Variants in TOGARAM2 observed in about 807,000 individuals in gnomAD.
TOGARAM2 encodes TOG array regulator of axonemal microtubules 2.
TOGARAM2 carries 85 observed loss-of-function variants against 93.3 expected under a neutral mutation model. The observed-to-expected ratio is 0.91, with a 90% CI of 0.76 to 1.09. TOGARAM2 has a LOEUF of 1.09. Among genes scored for constraint, TOGARAM2 ranks in the 50% least tolerant of loss-of-function variants. The pLI, the probability that TOGARAM2 is intolerant of heterozygous loss-of-function variation, is 0.00. For synonymous variants in TOGARAM2, 593 were observed against 552.8 expected (o/e 1.07, Z -1.02); for missense variants, 1,277 against 1,334.5 (o/e 0.96, Z 0.67).
intron 13 of TOGARAM2, 25 bp from the exon 14 acceptor site, chr2:29,026,828 C>T (rs759016660): frequency 5.1e-6 from 8 of 1,563,856 alleles, no homozygotes; most frequent in Admixed American, 1.8e-5. Flanking sequence ...CTGAGACTGA[C>T]CCCTGGGCCA....
intron 10 of TOGARAM2, among the ~76,000 whole-genome samples, chr2:29,020,570 A>G (rs1664875813): frequency 6.6e-6 from 1 of 152,184 alleles, no homozygotes; most frequent in Non-Finnish European, 1.5e-5. Context: ...AGCCCTCAAG[A>G]CACTGGAGGC....
chr2:29,019,061 A>T (rs1321777880), intron 10 of TOGARAM2, among the ~76,000 whole-genome samples: 1 of 152,122 alleles, frequency 6.6e-6, no homozygotes, highest in Non-Finnish European at 1.5e-5. Flanking sequence ...TTGTGATTTG[A>T]AGTGCAATGT....
At chr2:28,991,583 A>C (rs1336189913) in intron 1 of TOGARAM2, among the ~76,000 whole-genome samples, 2 of 152,194 alleles carry the variant, frequency 1.3e-5, no homozygotes, top group African/African-American at 4.8e-5. Context: ...GTGTCATGAC[A>C]GAAAGAGAAG....
intron 1 of TOGARAM2, among the ~76,000 whole-genome samples, chr2:28,966,795 G>C (rs1031942417): frequency 3.9e-5 from 6 of 152,084 alleles, no homozygotes; most frequent in African/African-American, 1.4e-4. Flanking sequence ...CATATCATCT[G>C]CACCACATGA....
Position 28,992,341 on chromosome 2 carries a change from C to G in TOGARAM2, c.-110-2384C>G, listed in dbSNP as rs540456012. ...GCACCTAGGAGATCCTGCACTAGAC[C>G]CTGGGGCCTGAAGGGTCGAAGGTGT... On this transcript the variant is annotated intron_variant, in intron 1 of 19. Coordinates refer to ENST00000379558, the MANE Select transcript of TOGARAM2 (RefSeq NM_199280.4). 1.1e-4 allele frequency among the ~76,000 whole-genome samples: 17 copies of G among 152,194 alleles called. No individual in the cohort carries two copies. In the East Asian group the frequency reaches 2.1e-3, roughly 19 times the overall value.
In TOGARAM2 at chr2:28,974,989, G is replaced by A. The variant is rs1430342066; in HGVS notation, c.-147+18292G>A. Among the ~76,000 whole-genome samples, 3 of 150,588 alleles carry A rather than the reference G, an allele frequency of 2.0e-5. No homozygotes were observed. The South Asian group carries it at 6.3e-4, about 32-fold the overall frequency. On this transcript the variant is annotated intron_variant, in intron 1 of 6. Coordinates refer to the TOGARAM2 transcript ENST00000401723. The stretch of plus-strand genomic sequence containing the variant: ...TTGGTTGCTATCGAGTAATTTCTAT[G>A]GTTTTATGTTCAAGTTCACTGATTT...
Position 29,051,898 on chromosome 2 carries a change from G to C in TOGARAM2, c.2865G>C (p.Arg955=). The change falls in exon 20 of 20, where the codon CGG becomes CGC. Residue 955 remains arginine (R), a synonymous_variant. Transcript: ENST00000379558. ...PSGNIRGVVC[R]LSRSLQEHMG... The stretch of plus-strand genomic sequence containing the variant: ...GGAACATCCGCGGGGTGGTGTGCCG[G>C]CTGTCCAGGAGCCTCCAGGAGCACA... The C allele has an allele frequency of 1.3e-6, 2 of 1,583,148 alleles. No homozygotes were observed. The highest frequency in any genetic ancestry group is 1.7e-6 in the Non-Finnish European group (2 of 1,165,092).
At chr2:28,995,803 T>C (rs1672962091) in intron 2 of TOGARAM2, among the ~76,000 whole-genome samples, 1 of 151,956 alleles carries the variant, frequency 6.6e-6, no homozygotes, top group African/African-American at 2.4e-5. Context: ...AGACTAGGAG[T>C]CTTGCAGCCT....
At chr2:29,036,518 C>T (rs765732090) in intron 17 of TOGARAM2, 23 bp from the exon 18 acceptor site, 5 of 1,613,384 alleles carry the variant, frequency 3.1e-6, no homozygotes, top group Non-Finnish European at 4.2e-6. Flanking sequence ...CCCATGGGCT[C>T]TTGGTTTCTG....
At position 28,999,389 on chromosome 2, in the gene TOGARAM2, C is replaced by T. The variant is rs202190457; in HGVS notation, c.348C>T (p.Ser116=). The part of the protein sequence containing the change: ...LLPSPESEAN[S]VARDTIQIKD... ...CTTCTCCGGAGTCAGAGGCCAACAG[C>T]GTGGCCAGGGACACCATCCAGATTA... is the stretch of plus-strand genomic sequence containing the variant. The change falls in exon 4 of 20, where the codon AGC becomes AGT. Residue 116 remains serine, a synonymous_variant. Coordinates refer to ENST00000379558, the MANE Select transcript of TOGARAM2 (RefSeq NM_199280.4). 69 of 1,613,280 alleles carry T rather than the reference C, an allele frequency of 4.3e-5. No individual in the cohort carries two copies. Among genetic ancestry groups the T allele is most frequent in the Middle Eastern group, 1.6e-4 (1 of 6,062 alleles).
chr2:28,967,913 G>C (rs1461730076), intron 1 of TOGARAM2, among the ~76,000 whole-genome samples: 1 of 149,306 alleles, frequency 6.7e-6, no homozygotes, highest in Non-Finnish European at 1.5e-5. Flanking sequence ...CCCCCTCCTG[G>C]GTTCAAGCGA....
intron 7 of TOGARAM2, 51 bp downstream of exon 7, chr2:29,011,552 C>G (rs1664249652): frequency 6.5e-7 from 1 of 1,539,792 alleles, no homozygotes; most frequent in Admixed American, 2.0e-5. Flanking sequence ...CTCTACATTC[C>G]TGGGCTGGGT....
Position 29,026,835 on chromosome 2 carries a change from G to T in TOGARAM2, c.1854-18G>T. 1.3e-6 allele frequency: 2 copies of T among 1,570,032 alleles called. No individual in the cohort carries two copies. Among genetic ancestry groups the T allele is most frequent in the Admixed American group, 1.8e-5 (1 of 56,420 alleles). ...CCACTATCCTGAGACTGACCCCTGG[G>T]CCATGATTTCCTTTCAGCCACCGGA... On this transcript the variant is annotated intron_variant, in intron 13 of 19. Transcript: ENST00000379558.
At chr2:28,987,560 A>T (rs535686785) in intron 1 of TOGARAM2, among the ~76,000 whole-genome samples, 151 of 152,252 alleles carry the variant, frequency 9.9e-4, no homozygotes, top group African/African-American at 3.5e-3. Context: ...AAGTGCTGGG[A>T]TTACAGGTGT....
intron 6 of TOGARAM2, among the ~76,000 whole-genome samples, chr2:29,006,183 GTGTGTGCA>G: frequency 1.5e-5 from 1 of 68,806 alleles, no homozygotes; most frequent in Non-Finnish European, 4.9e-5. Flanking sequence ...GTGACCACAT[GTGTGTGCA>G]TGTGTGTGAG....
chr2:29,019,289 T>C (rs1289543408), intron 10 of TOGARAM2, among the ~76,000 whole-genome samples: 1 of 151,800 alleles, frequency 6.6e-6, no homozygotes, highest in Non-Finnish European at 1.5e-5. Context: ...CAAGTGATCT[T>C]GCCTCAGCCT....
chr2:28,975,347 C>T (rs4666158), intron 1 of TOGARAM2, among the ~76,000 whole-genome samples: 27,015 of 151,686 alleles, frequency 0.18, 2,617 homozygotes, highest in East Asian at 0.3. Context: ...CGCCACCACG[C>T]CCGGCTATGT....
Position 29,003,631 on chromosome 2 carries a change from C to G in TOGARAM2, c.779C>G (p.Pro260Arg). ...CGTGTGCCTGGCTCCCTTCCCAGCC[C>G]GTTACCTCCAGGCCAGGGAGTCCTC... is the stretch of plus-strand genomic sequence containing the variant. ...PSRVPGSLPS[P>R]LPPGQGVLTG... Residue 260 changes from proline to arginine, a missense_variant, in exon 6 of 20, where the codon CCG (proline) becomes CGG (arginine). Coordinates refer to ENST00000379558, the MANE Select transcript of TOGARAM2 (RefSeq NM_199280.4). 1 of 1,593,808 alleles carries G rather than the reference C, an allele frequency of 6.3e-7. No individual in the cohort carries two copies. Among genetic ancestry groups the G allele is most frequent in the South Asian group, 1.1e-5 (1 of 87,560 alleles).
At chr2:28,985,968 C>T (rs555277666) in intron 1 of TOGARAM2, among the ~76,000 whole-genome samples, 152 of 152,220 alleles carry the variant, frequency 1.0e-3, no homozygotes, top group African/African-American at 3.6e-3. Flanking sequence ...AAATAACTAG[C>T]TGGGCATGGT....
Sources: gnomAD v4.1 joint callset for allele counts (sites outside exome capture counted in the v4.1 genomes callset) on GRCh38, gnomAD v4.1.1 for gene constraint, MANE v1.5 for transcripts, NCBI Gene and HGNC (gene_info 2026-07-23, HGNC 2026-07-21) for gene names.